GRAMD2A: variants seen among roughly 807,000 people sequenced by gnomAD.
GRAMD2A encodes GRAM domain containing 2A.
In GRAMD2A, 37 loss-of-function variants were observed where a neutral mutation model predicts 51.1. That is an observed-to-expected ratio of 0.72 (90% CI 0.56 to 0.95). GRAMD2A has a LOEUF of 0.95. GRAMD2A is among the 40% of genes least tolerant of loss of function. The pLI is 0.00. For synonymous variants in GRAMD2A, 136 were observed against 157.1 expected, an observed-to-expected ratio of 0.87 and a Z score of 1.01; for missense variants, 414 against 426.9, an observed-to-expected ratio of 0.97 and a Z score of 0.27.
intron 4 of GRAMD2A, among the ~76,000 whole-genome samples, chr15:72,168,174 C>A (rs1159817600): frequency 6.6e-6 from 1 of 152,238 alleles, no homozygotes; most frequent in African/African-American, 2.4e-5. Context: ...CTCTGCTCTG[C>A]CCCAAGGGCC....
chr15:72,196,464 C>T (rs1033591907), intron 1 of GRAMD2A, among the ~76,000 whole-genome samples: 8 of 151,148 alleles, frequency 5.3e-5, no homozygotes, highest in Non-Finnish European at 1.0e-4. Context: ...TGCAGTGAGC[C>T]AAGATCCCAC....
chr15:72,162,246 AG>A, intron 11 of GRAMD2A, 26 bp downstream of exon 11: 1 of 1,529,628 alleles, frequency 6.5e-7, no homozygotes, highest in South Asian at 1.1e-5. Flanking sequence ...TCAATATCAA[AG>A]GCATTAGAAA....
At position 72,163,680 on chromosome 15, in the gene GRAMD2A, A is replaced by G; in HGVS notation, c.678T>C (p.Pro226=). 6.2e-7 allele frequency: 1 copy of G among 1,609,314 alleles called. No individual in the cohort carries two copies. The highest frequency in any genetic ancestry group is 1.3e-5 in the African/African-American group (1 of 74,694). ...AGTCCACGGATGATGGAGGGATACA[A>G]GGGATGTTGTCTGGGAGAGACAGGG... ...SRSLSLPDNI[P]CIPPSSVDST... The change falls in exon 9 of 12, where the codon CCT becomes CCC. Residue 226 remains proline (P), a synonymous_variant. Coordinates refer to ENST00000309731, the MANE Select transcript of GRAMD2A (RefSeq NM_001012642.3).
intron 1 of GRAMD2A, chr15:72,173,990 T>C (rs1421478765): frequency 6.8e-6 from 1 of 147,876 alleles, no homozygotes; most frequent in Non-Finnish European, 1.5e-5. Flanking sequence ...AAGAGGATGG[T>C]TGCAAGCCAT....
In GRAMD2A at chr15:72,169,902, T is replaced by A; in HGVS notation, c.79A>T (p.Ser27Cys). Residue 27 changes from serine to cysteine, a missense_variant, in exon 2 of 12, where the codon AGT (serine) becomes TGT (cysteine). Transcript: ENST00000309731. The stretch of plus-strand genomic sequence containing the variant: ...GGTTTCTCTTTGCAGGACACAGGAC[T>A]GTTCAGAGAAGCTGTCTTTCTGTGC... ...QMHRKTASLN[S>C]PVSCKEKPDR... The A allele has an allele frequency of 1.2e-6, 2 of 1,614,224 alleles. No individual in the cohort carries two copies. The highest frequency in any genetic ancestry group is 8.5e-7 in the Non-Finnish European group (1 of 1,180,028).
intron 10 of GRAMD2A, 102 bp downstream of exon 10, chr15:72,163,164 C>G (rs927013099): frequency 3.9e-6 from 3 of 760,854 alleles, no homozygotes; most frequent in Non-Finnish European, 6.5e-6. Context: ...TCAGAAACTT[C>G]CCCCTGGTTC....
At chr15:72,173,266 C>A (rs1291285094) in intron 1 of GRAMD2A, among the ~76,000 whole-genome samples, 1 of 152,222 alleles carries the variant, frequency 6.6e-6, no homozygotes, top group Non-Finnish European at 1.5e-5. Flanking sequence ...ATTATCTAAT[C>A]TTGCATAGAT....
In GRAMD2A at chr15:72,162,385, A is replaced by C; in HGVS notation, c.957-8T>G. The stretch of plus-strand genomic sequence containing the variant: ...ATGACCAGGAAGCAGATCCTGAAGA[A>C]AGCGGCAATACGGAGTTAAATATTT... On this transcript the variant is annotated splice_region_variant and splice_polypyrimidine_tract_variant and intron_variant, in intron 10 of 11. Transcript: ENST00000309731. 1 of 1,589,510 alleles carries C rather than the reference A, an allele frequency of 6.3e-7. No homozygotes were observed. Among genetic ancestry groups the C allele is most frequent in the Non-Finnish European group, 8.6e-7 (1 of 1,159,436 alleles).
intron 8 of GRAMD2A, 167 bp from the exon 9 acceptor site, chr15:72,163,924 A>G (rs1275199989): frequency 3.2e-6 from 2 of 629,402 alleles, no homozygotes; most frequent in Non-Finnish European, 5.4e-6. Flanking sequence ...TATAGCAACC[A>G]TATGCCTCTC....
rs754180139 is a variant in GRAMD2A, at chr15:72,169,802, A to G, written c.134+45T>C. ...ACAGGTCACTTCCTGAGGGCTTCCC[A>G]CCCTCTAGTCTGTGTGTATCTATGA... On this transcript the variant is annotated intron_variant, in intron 2 of 11. Transcript: ENST00000309731. The G allele has an allele frequency of 1.8e-5, 27 of 1,491,682 alleles. No individual in the cohort carries two copies. The South Asian group carries it at 2.9e-4, about 16-fold the overall frequency. The allele number at this position is 1,491,682 out of a possible 1,614,324, so 92.4% of individuals were successfully genotyped here.
chr15:72,165,301 G>C (rs1173556290), intron 8 of GRAMD2A, 53 bp downstream of exon 8: 8 of 1,559,814 alleles, frequency 5.1e-6, no homozygotes, highest in Non-Finnish European at 7.1e-6. Flanking sequence ...AGAAGCCTCA[G>C]AGCTCCAGGC....
intron 1 of GRAMD2A, chr15:72,175,963 A>T (rs1396589852): frequency 1.3e-5 from 2 of 152,640 alleles, no homozygotes; most frequent in East Asian, 3.8e-4. Context: ...CAGGCTGGAC[A>T]GGAGCTGATG....
At chr15:72,191,386 A>T (rs1260229605) in intron 1 of GRAMD2A, among the ~76,000 whole-genome samples, 1 of 152,116 alleles carries the variant, frequency 6.6e-6, no homozygotes, top group East Asian at 1.9e-4. Flanking sequence ...TTTTTTTAGT[A>T]GAGACAGGGT....
chr15:72,162,251 T>A, intron 11 of GRAMD2A, 22 bp downstream of exon 11: 1 of 1,548,024 alleles, frequency 6.5e-7, no homozygotes, highest in East Asian at 2.2e-5. Flanking sequence ...ATCAAAGGCA[T>A]TAGAAAGAGA....
chr15:72,195,530 G>C (rs943462683), intron 1 of GRAMD2A, among the ~76,000 whole-genome samples: 2 of 152,164 alleles, frequency 1.3e-5, no homozygotes, highest in African/African-American at 4.8e-5. Context: ...GGGTACTGCC[G>C]ACCTCAACCT....
At chr15:72,195,495 A>AGGCCAGCT (rs981675261) in intron 1 of GRAMD2A, among the ~76,000 whole-genome samples, 1 of 152,156 alleles carries the variant, frequency 6.6e-6, no homozygotes, top group Non-Finnish European at 1.5e-5. Flanking sequence ...AGCTTCCAAG[A>AGGCCAGCT]GGCCAGCTGG....
At position 72,195,514 on chromosome 15, in the gene GRAMD2A, C is replaced by T. The variant is rs150521455; in HGVS notation, c.41+2217G>A. 3.7e-3 allele frequency among the ~76,000 whole-genome samples: 567 copies of T among 152,280 alleles called. 3 individuals carry two copies. Among genetic ancestry groups the T allele is most frequent in the African/African-American group, 0.013 (538 of 41,556 alleles). ...TCCAAGAGGCCAGCTGGCAGCAACCCACCTTGGGTACTGCCGACCTCAACC... is the reference window on the plus strand; with the variant it reads ...TCCAAGAGGCCAGCTGGCAGCAACCTACCTTGGGTACTGCCGACCTCAACC... On this transcript the variant is annotated intron_variant, in intron 1 of 11. Coordinates refer to ENST00000309731, the MANE Select transcript of GRAMD2A (RefSeq NM_001012642.3).
chr15:72,170,451 G>T lies in GRAMD2A; in HGVS notation c.42-512C>A. Reference sequence around the variant, plus strand: ...AGGTGTGGGAGGTGGACGCCCATCAGCCTACAGGTGAGTGTGGCCAGGAGG... The same window carrying T: ...AGGTGTGGGAGGTGGACGCCCATCATCCTACAGGTGAGTGTGGCCAGGAGG... On this transcript the variant is annotated intron_variant, in intron 1 of 11. Transcript: ENST00000309731. The surrounding 1 kb of genome is among the most constrained non-coding windows in gnomAD (Gnocchi z 4.5). 2.2e-6 allele frequency: 1 copy of T among 455,240 alleles called. No homozygotes were observed. The highest frequency in any genetic ancestry group is 1.6e-5 in the South Asian group (1 of 64,512). 28.2% of individuals were successfully genotyped at this position (455,240 alleles called of 1,614,324 possible).
In GRAMD2A at chr15:72,168,954, C is replaced by G. The variant is rs1567083871; in HGVS notation, c.177G>C (p.Lys59Asn). Residue 59 changes from lysine to asparagine, a missense_variant, in exon 3 of 12, where the codon AAG becomes AAC. Coordinates refer to ENST00000309731, the MANE Select transcript of GRAMD2A (RefSeq NM_001012642.3). ...PEGLKGEEIK[K>N]CGREGITLNK... ...CCAGACTTACCCCTTCTCGGCCACA[C>G]TTCTTTATCTCTTCACCCTTCAAGC... The G allele has an allele frequency of 1.2e-6, 2 of 1,614,090 alleles. No homozygotes were observed. Among genetic ancestry groups the G allele is most frequent in the African/African-American group, 2.7e-5 (2 of 74,956 alleles).
Sources: allele counts gnomAD v4.1 joint callset (sites outside exome capture counted in the v4.1 genomes callset), GRCh38; gene constraint gnomAD v4.1.1; non-coding constraint Gnocchi (gnomAD v3.1); transcripts MANE v1.5; gene names NCBI Gene and HGNC (gene_info 2026-07-23, HGNC 2026-07-21).